The following CD34 variants were observed in gnomAD, a reference collection of about 807,000 sequenced individuals.
CD34 encodes hematopoietic progenitor cell antigen CD34.
Under a neutral mutation model 40.1 loss-of-function variants are expected in CD34, and 34 were observed. That is an observed-to-expected ratio of 0.85 (90% CI 0.65 to 1.13). The LOEUF is 1.13. Ranked by LOEUF, CD34 falls within the 50% of genes most tolerant of loss-of-function variation. CD34 has a pLI of 0.00. For missense variants in CD34, 426 were observed against 466.9 expected, an observed-to-expected ratio of 0.91 and a Z score of 0.81; for synonymous variants, 209 against 190.0, an observed-to-expected ratio of 1.10 and a Z score of -0.82.
rs1661889944 is a variant in CD34, at chr1:207,886,022, C to CT, written c.*1715dup. ...ATTTTTTTTTTAATTAGGCTGCTGT[C>CT]TTAATCTTGAGGGTGGAAACCAGCC... On this transcript the variant is annotated 3_prime_UTR_variant, in exon 8 of 8. Coordinates refer to ENST00000310833, the MANE Select transcript of CD34 (RefSeq NM_001025109.2). 1 of 151,626 alleles carries CT rather than the reference C, an allele frequency of 6.6e-6. No homozygotes were observed. The highest frequency in any genetic ancestry group is 1.5e-5 in the Non-Finnish European group (1 of 67,966). The allele number at this position is 151,626 out of a possible 1,614,324, so 9.4% of individuals were successfully genotyped here. A position where few individuals can be genotyped will look rare whatever the true frequency, so the allele number is the denominator to read the frequency against.
chr1:207,897,372 G>C (rs779851514), intron 4 of CD34, 121 bp downstream of exon 4: 5 of 710,688 alleles, frequency 7.0e-6, no homozygotes, highest in Non-Finnish European at 1.2e-5. Context: ...GGCTGACCAA[G>C]CTAAACTCCC....
intron 1 of CD34, among the ~76,000 whole-genome samples, chr1:207,900,624 C>T (rs891828593): frequency 7.9e-5 from 12 of 152,166 alleles, no homozygotes; most frequent in South Asian, 2.1e-4. Context: ...TCCCCTCATC[C>T]TTTTGCTCAT....
chr1:207,910,679 G>C (rs1201337201), intron 1 of CD34, among the ~76,000 whole-genome samples: 1 of 149,010 alleles, frequency 6.7e-6, no homozygotes, highest in African/African-American at 2.6e-5. Flanking sequence ...CTGCAACTTC[G>C]CACTCCGCGC....
Position 207,887,833 on chromosome 1 carries a change from C to T in CD34, c.1063G>A (p.Val355Met), listed in dbSNP as rs559544466. Residue 355 changes from valine to methionine, a missense_variant, in exon 8 of 8, where the codon GTG becomes ATG. Val to Met is a conservative substitution (Grantham distance 21, BLOSUM62 1). Coordinates refer to ENST00000310833, the MANE Select transcript of CD34 (RefSeq NM_001025109.2). Reference sequence around the variant, plus strand: ...CCGTTTTCCTGAGCCCCTCGGTTCACACTGGCCTTTCCCTGAGCCTCAGGG... The same window carrying T: ...CCGTTTTCCTGAGCCCCTCGGTTCATACTGGCCTTTCCCTGAGCCTCAGGG... ...TSPEAQGKAS[V>M]NRGAQENGTG... is the part of the protein sequence containing the mutation. 12 of 1,614,240 alleles carry T rather than the reference C, an allele frequency of 7.4e-6. No homozygotes were observed. In the South Asian group the frequency reaches 1.2e-4, roughly 16 times the overall value.
chr1:207,895,001 A>T (rs1413350471), intron 4 of CD34, among the ~76,000 whole-genome samples: 1 of 152,186 alleles, frequency 6.6e-6, no homozygotes, highest in Non-Finnish European at 1.5e-5. Flanking sequence ...TGAGGAGCAT[A>T]CCAACATACA....
At chr1:207,905,309 T>C (rs965917026) in intron 1 of CD34, among the ~76,000 whole-genome samples, 10 of 152,216 alleles carry the variant, frequency 6.6e-5, no homozygotes, top group African/African-American at 1.9e-4. Context: ...CTAATTTTTG[T>C]ATTTTTAGTA....
intron 4 of CD34, among the ~76,000 whole-genome samples, chr1:207,896,779 C>T (rs1188561334): frequency 2.0e-5 from 3 of 151,232 alleles, no homozygotes; most frequent in African/African-American, 4.9e-5. Context: ...ACATTTTTTA[C>T]AGTGTAATAA....
intron 3 of CD34, 135 bp downstream of exon 3, chr1:207,898,838 G>T: frequency 1.1e-6 from 1 of 923,406 alleles, no homozygotes; most frequent in Non-Finnish European, 1.7e-6. Context: ...TTTAAACTGT[G>T]TATTTCCGTG....
At chr1:207,898,031 T>TTTA (rs1662186588) in intron 3 of CD34, among the ~76,000 whole-genome samples, 9 of 143,462 alleles carry the variant, frequency 6.3e-5, no homozygotes, top group African/African-American at 2.1e-4. Context: ...ATTTTGGCTC[T>TTTA]TTTATTTATT....
intron 6 of CD34, 48 bp downstream of exon 6, chr1:207,889,113 C>A: frequency 8.5e-7 from 1 of 1,177,880 alleles, no homozygotes; most frequent in Non-Finnish European, 1.3e-6. Flanking sequence ...CCAGGGAGCC[C>A]CCCTGCCCCG....
rs369739532 is a variant in CD34, at chr1:207,889,771, C to T, written c.598-150G>A. The T allele has an allele frequency of 3.7e-4, 584 of 1,572,388 alleles. 2 individuals are homozygous for T. Among genetic ancestry groups the T allele is most frequent in the Non-Finnish European group, 4.7e-4 (548 of 1,164,496 alleles). On this transcript the variant is annotated intron_variant, in intron 4 of 7. Transcript: ENST00000310833. The stretch of plus-strand genomic sequence containing the variant: ...ATTCCAACAGAAAAAAAAAAAACTG[C>T]TAACTGTATATGTGCAACAACACAA...
In CD34 at chr1:207,911,065, C is replaced by G; in HGVS notation, c.16G>C (p.Gly6Arg). The change falls in exon 1 of 8, where the codon GGC becomes CGC. Residue 6 changes from glycine (G) to arginine (R), a missense_variant. Physicochemically the swap from Gly to Arg is moderately radical, Grantham distance 125 (BLOSUM62 -2). Transcript: ENST00000310833. MLVRR[G>R]ARAGPRMPRG... ...GGCATCCTGGGCCCTGCGCGCGCGC[C>G]CCTGCGGACCAGCATCCTTCCCGCG... 1.3e-6 allele frequency: 2 copies of G among 1,587,228 alleles called. No individual in the cohort carries two copies. The highest frequency in any genetic ancestry group is 1.7e-6 in the Non-Finnish European group (2 of 1,170,308).
At position 207,911,053 on chromosome 1, in the gene CD34, C is replaced by CT; in HGVS notation, c.27dup (p.Gly10ArgfsTer25). ...GTCCAGCCCCGCGGCATCCTGGGCC[C>CT]TGCGCGCGCGCCCCTGCGGACCAGC... On this transcript the variant is annotated frameshift_variant, in exon 1 of 8. Transcript: ENST00000310833. LOFTEE classifies it high-confidence loss of function. The CT allele has an allele frequency of 6.3e-7, 1 of 1,592,384 alleles. No homozygotes were observed. Among genetic ancestry groups the CT allele is most frequent in the African/African-American group, 1.3e-5 (1 of 74,820 alleles).
intron 1 of CD34, among the ~76,000 whole-genome samples, chr1:207,910,176 T>C (rs1340110142): frequency 6.6e-6 from 1 of 152,124 alleles, no homozygotes; most frequent in Admixed American, 6.5e-5. Context: ...AGGATATGTG[T>C]AGGTGAGTGG....
At position 207,886,013 on chromosome 1, in the gene CD34, G is replaced by A. The variant is rs1292970054; in HGVS notation, c.*1725C>T. On this transcript the variant is annotated 3_prime_UTR_variant, in exon 8 of 8. Coordinates refer to ENST00000310833, the MANE Select transcript of CD34 (RefSeq NM_001025109.2). ...TGCTTACAGATTTTTTTTTTAATTA[G>A]GCTGCTGTCTTAATCTTGAGGGTGG... 1 of 151,600 alleles carries A rather than the reference G, an allele frequency of 6.6e-6. No individual in the cohort carries two copies. The highest frequency in any genetic ancestry group is 1.5e-5 in the Non-Finnish European group (1 of 67,916). 9.4% of individuals were successfully genotyped at this position (151,600 alleles called of 1,614,324 possible). A position where few individuals can be genotyped will look rare whatever the true frequency, so the allele number is the denominator to read the frequency against.
chr1:207,893,417 G>A (rs1168712306), intron 4 of CD34, among the ~76,000 whole-genome samples: 1 of 152,094 alleles, frequency 6.6e-6, no homozygotes, highest in Non-Finnish European at 1.5e-5. Flanking sequence ...CTATTTTGGT[G>A]TGAGTTTGAC....
chr1:207,898,784 C>A (rs1385213383), intron 3 of CD34, among the ~76,000 whole-genome samples, 189 bp downstream of exon 3: 1 of 152,230 alleles, frequency 6.6e-6, no homozygotes, highest in African/African-American at 2.4e-5. Context: ...GCCTTACCAC[C>A]TAACTCTACC....
intron 1 of CD34, among the ~76,000 whole-genome samples, chr1:207,906,006 T>C (rs1662372940): frequency 6.6e-6 from 1 of 152,230 alleles, no homozygotes; most frequent in South Asian, 2.1e-4. Context: ...TTCTCATTTT[T>C]CTGCAGTGCC....
intron 4 of CD34, among the ~76,000 whole-genome samples, chr1:207,891,244 A>G (rs1325093923): frequency 2.0e-5 from 3 of 152,156 alleles, no homozygotes; most frequent in African/African-American, 7.2e-5. Flanking sequence ...AGCCCTGAAT[A>G]TAGGACACTG....
Sources: gnomAD v4.1 joint callset for allele counts (sites outside exome capture counted in the v4.1 genomes callset) on GRCh38, gnomAD v4.1.1 for gene constraint, MANE v1.5 for transcripts, NCBI Gene and HGNC (gene_info 2026-07-23, HGNC 2026-07-21) for gene names.